Variants in SORCS3 observed in about 807,000 individuals in gnomAD.
The protein encoded by SORCS3 is VPS10 domain-containing receptor SorCS3.
A neutral mutation model predicts 146.3 loss-of-function variants in SORCS3; 57 were observed. The observed-to-expected ratio is 0.39, with a 90% CI of 0.31 to 0.49. The LOEUF (loss-of-function observed/expected upper bound fraction) is 0.49. SORCS3 is among the 20% of genes least tolerant of loss of function. SORCS3 has a pLI of 0.92. For missense variants in SORCS3, 1,341 were observed against 1,575.5 expected (o/e 0.85, Z 2.52); for synonymous variants, 653 against 618.5 (o/e 1.06, Z -0.83).
At chr10:105,039,278 A>G (rs1270658013) in intron 4 of SORCS3, among the ~76,000 whole-genome samples, 1 of 152,138 alleles carries the variant, frequency 6.6e-6, no homozygotes, top group Non-Finnish European at 1.5e-5. Context: ...AAAGCCCTTA[A>G]TGAATAGGAG....
intron 5 of SORCS3, among the ~76,000 whole-genome samples, chr10:105,075,111 G>A (rs370200811): frequency 5.3e-5 from 8 of 151,872 alleles, no homozygotes; most frequent in South Asian, 2.1e-4. Context: ...TTAACTCCCC[G>A]AATTCCTCCA....
At chr10:105,235,533 G>C (rs2056788584) in intron 20 of SORCS3, among the ~76,000 whole-genome samples, 1 of 151,318 alleles carries the variant, frequency 6.6e-6, no homozygotes. Flanking sequence ...TTATCCTAGA[G>C]AAAGCTTTAA....
At chr10:104,748,767 T>G (rs2016945511) in intron 1 of SORCS3, among the ~76,000 whole-genome samples, 1 of 152,148 alleles carries the variant, frequency 6.6e-6, no homozygotes, top group Non-Finnish European at 1.5e-5. Context: ...GCAGGGGAAT[T>G]GCTTGAACCC....
chr10:105,177,396 T>C (rs2056413138), intron 13 of SORCS3, among the ~76,000 whole-genome samples: 1 of 152,124 alleles, frequency 6.6e-6, no homozygotes, highest in African/African-American at 2.4e-5. Flanking sequence ...CTTGATAATA[T>C]CAAGAAAGGA....
chr10:104,677,163 CT>C (rs551780271), intron 1 of SORCS3, among the ~76,000 whole-genome samples: 47 of 152,178 alleles, frequency 3.1e-4, no homozygotes, highest in Non-Finnish European at 5.4e-4. Context: ...GAAGTCCAAC[CT>C]TTTGTGGTGA....
At chr10:104,678,864 A>G (rs1480490954) in intron 1 of SORCS3, among the ~76,000 whole-genome samples, 1 of 152,208 alleles carries the variant, frequency 6.6e-6, no homozygotes, top group Non-Finnish European at 1.5e-5. Flanking sequence ...TTGGAGCCCA[A>G]GCCAAACAAG....
chr10:104,947,683 C>A (rs777812289), intron 3 of SORCS3, among the ~76,000 whole-genome samples: 1 of 152,186 alleles, frequency 6.6e-6, no homozygotes, highest in Admixed American at 6.5e-5. Context: ...AGTGCAGTGG[C>A]GCAATCTTGG....
chr10:105,054,373 A>G (rs1349409538), intron 5 of SORCS3, among the ~76,000 whole-genome samples: 2 of 151,748 alleles, frequency 1.3e-5, no homozygotes, highest in Non-Finnish European at 2.9e-5. Flanking sequence ...TTTGAAATGC[A>G]GCCTTATTCA....
rs757819379 is a variant in SORCS3 at position 105,214,530 on chromosome 10, C to T, written c.2464C>T (p.Arg822Trp). 28 of 1,613,630 alleles carry T rather than the reference C, an allele frequency of 1.7e-5. No homozygotes were observed. The highest frequency in any genetic ancestry group is 2.2e-5 in the Non-Finnish European group (26 of 1,179,856). The change falls in exon 18 of 27, where the codon CGG (arginine) becomes TGG (tryptophan). Residue 822 changes from arginine (R) to tryptophan (W), a missense_variant. Arg to Trp is a moderately radical substitution (Grantham distance 101). Coordinates refer to ENST00000369701, the MANE Select transcript of SORCS3 (RefSeq NM_014978.3). ...KAQMCPGKAP[R>W]GLHVVTTDGR... ...CCAGATGTGCCCTGGAAAAGCCCCTCGGGGCCTCCATGTGGTGACGACCGA... is the reference window on the plus strand; with the variant it reads ...CCAGATGTGCCCTGGAAAAGCCCCTTGGGGCCTCCATGTGGTGACGACCGA...
chr10:105,168,359 G>A lies in SORCS3; in HGVS notation c.1901+1010G>A, dbSNP rs141177450. 4.4e-3 allele frequency among the ~76,000 whole-genome samples: 668 copies of A among 152,260 alleles called. 3 individuals are homozygous for A. Among genetic ancestry groups the A allele is most frequent in the South Asian group, 0.011 (52 of 4,828 alleles). On this transcript the variant is annotated intron_variant, in intron 13 of 26. Coordinates refer to ENST00000369701, the MANE Select transcript of SORCS3 (RefSeq NM_014978.3). ...TGATGACGACGATGACAACGATGAC[G>A]ACAACTTGTTGCTGTTGTTGTTTTG...
chr10:105,201,347 T>C (rs1185996520), intron 16 of SORCS3, 94 bp downstream of exon 16: 14 of 1,450,546 alleles, frequency 9.7e-6, no homozygotes, highest in African/African-American at 1.4e-5. Flanking sequence ...AGAGGAAGCA[T>C]GACGCAGAGA....
At chr10:104,921,481 A>T in intron 3 of SORCS3, among the ~76,000 whole-genome samples, 1 of 147,952 alleles carries the variant, frequency 6.8e-6, no homozygotes, top group East Asian at 2.0e-4. Context: ...AGTTAGAGGT[A>T]CATGTCTCTC....
chr10:104,825,956 A>G (rs1047738970), intron 1 of SORCS3, among the ~76,000 whole-genome samples: 1 of 152,168 alleles, frequency 6.6e-6, no homozygotes, highest in African/African-American at 2.4e-5. Flanking sequence ...TGCCTTATTC[A>G]GTTACCAAAT....
intron 3 of SORCS3, among the ~76,000 whole-genome samples, chr10:104,947,430 T>C (rs1031769284): frequency 6.6e-6 from 1 of 152,090 alleles, no homozygotes; most frequent in Admixed American, 6.6e-5. Flanking sequence ...CTTCATTCTC[T>C]TTCCTCTTGG....
chr10:105,231,968 C>A (rs570815842), intron 20 of SORCS3, among the ~76,000 whole-genome samples: 1 of 152,010 alleles, frequency 6.6e-6, no homozygotes, highest in East Asian at 1.9e-4. Flanking sequence ...GTTTTCCTTT[C>A]TTGTAATATA....
In SORCS3 at chr10:104,641,804, C is replaced by T. The variant is rs750483308; in HGVS notation, c.477C>T (p.Pro159=). ...APADGSRGSR[P]LAKGSREEVK... ...CCGATGGTTCCAGAGGAAGCCGTCCCCTTGCTAAGGGTTCCCGGGAGGAGG... is the reference window on the plus strand; with the variant it reads ...CCGATGGTTCCAGAGGAAGCCGTCCTCTTGCTAAGGGTTCCCGGGAGGAGG... The change falls in exon 1 of 27, where the codon CCC becomes CCT. Residue 159 remains proline, a synonymous_variant. Coordinates refer to ENST00000369701, the MANE Select transcript of SORCS3 (RefSeq NM_014978.3). The surrounding 1 kb of genome is among the most constrained non-coding windows in gnomAD (Gnocchi z 6.4). 3 of 1,551,464 alleles carry T rather than the reference C, an allele frequency of 1.9e-6. No individual in the cohort carries two copies. Among genetic ancestry groups the T allele is most frequent in the Non-Finnish European group, 2.6e-6 (3 of 1,148,742 alleles).
rs752518701 is a variant in SORCS3, at chr10:105,054,988, A to G, written c.1028+11860A>G. Among the ~76,000 whole-genome samples the G allele has an allele frequency of 3.5e-4, 54 of 152,194 alleles. 1 individual carries two copies. The highest frequency in any genetic ancestry group is 1.2e-3 in the Admixed American group (18 of 15,266). ...TCCCCATAAAGCAACTAATTAGACTATTGATTAGAATCGCAGCCAAGCTAT... is the reference window on the plus strand; with the variant it reads ...TCCCCATAAAGCAACTAATTAGACTGTTGATTAGAATCGCAGCCAAGCTAT... On this transcript the variant is annotated intron_variant, in intron 5 of 26. Coordinates refer to ENST00000369701, the MANE Select transcript of SORCS3 (RefSeq NM_014978.3).
chr10:105,048,781 T>C (rs1461253248), intron 5 of SORCS3, among the ~76,000 whole-genome samples: 1 of 152,110 alleles, frequency 6.6e-6, no homozygotes, highest in Non-Finnish European at 1.5e-5. Flanking sequence ...TTCTTAGTTT[T>C]CCAAGTCTCT....
intron 1 of SORCS3, among the ~76,000 whole-genome samples, chr10:104,730,022 C>T (rs1296797032): frequency 6.6e-6 from 1 of 152,134 alleles, no homozygotes; most frequent in East Asian, 1.9e-4. Context: ...AGAAAATCAC[C>T]TTGCTCAGAC....
Sources: gnomAD v4.1 joint callset for allele counts (sites outside exome capture counted in the v4.1 genomes callset) on GRCh38, gnomAD v4.1.1 for gene constraint, Gnocchi (gnomAD v3.1) non-coding constraint, MANE v1.5 for transcripts, NCBI Gene and HGNC (gene_info 2026-07-23, HGNC 2026-07-21) for gene names.